Variants in MACROD2 observed in about 807,000 individuals in gnomAD.
MACROD2 encodes mono-ADP ribosylhydrolase 2, also known as ADP-ribose glycohydrolase MACROD2.
Under a neutral mutation model 70.4 loss-of-function variants are expected in MACROD2, and 36 were observed. The ratio of observed to expected loss-of-function variants is 0.51; its 90% confidence interval spans 0.39 to 0.68. MACROD2 has a LOEUF of 0.68. Among genes scored for constraint, MACROD2 ranks in the 30% least tolerant of loss-of-function variants. The pLI is 0.00. For missense variants in MACROD2, 496 were observed against 538.4 expected (o/e 0.92, Z 0.78); for synonymous variants, 172 against 178.8 (o/e 0.96, Z 0.30).
At chr20:15,556,045 G>A (rs1476511495) in intron 8 of MACROD2, among the ~76,000 whole-genome samples, 2 of 152,054 alleles carry the variant, frequency 1.3e-5, no homozygotes, top group African/African-American at 2.4e-5. Context: ...ATGCATTCCT[G>A]ACTTATTCAG....
At chr20:14,495,443 A>C (rs1254371649) in intron 4 of MACROD2, among the ~76,000 whole-genome samples, 1 of 152,120 alleles carries the variant, frequency 6.6e-6, no homozygotes, top group Non-Finnish European at 1.5e-5. Context: ...GGAATCCCAC[A>C]TTGTCTTTGA....
intron 4 of MACROD2, among the ~76,000 whole-genome samples, chr20:14,614,994 C>T (rs1355983313): frequency 1.3e-5 from 2 of 152,016 alleles, no homozygotes; most frequent in Non-Finnish European, 2.9e-5. Context: ...AACACCTCTG[C>T]GTGTGCTGGG....
chr20:14,124,472 A>T (rs1347428102), intron 3 of MACROD2, among the ~76,000 whole-genome samples: 1 of 152,172 alleles, frequency 6.6e-6, no homozygotes, highest in Non-Finnish European at 1.5e-5. Flanking sequence ...TTCCTAGTGG[A>T]TATTGTTTTA....
chr20:15,300,185 G>A (rs1248125816), intron 6 of MACROD2, among the ~76,000 whole-genome samples: 1 of 151,960 alleles, frequency 6.6e-6, no homozygotes, highest in African/African-American at 2.4e-5. Context: ...TTAAGACCTT[G>A]GCTTTGCTTT....
At chr20:16,013,261 T>C (rs577953967) in intron 15 of MACROD2, among the ~76,000 whole-genome samples, 1 of 152,260 alleles carries the variant, frequency 6.6e-6, no homozygotes, top group Admixed American at 6.5e-5. Context: ...TATATCACCA[T>C]TGGTTATTGC....
chr20:14,145,268 C>A (rs2054930058), intron 3 of MACROD2, among the ~76,000 whole-genome samples: 2 of 152,122 alleles, frequency 1.3e-5, no homozygotes, highest in South Asian at 4.1e-4. Flanking sequence ...CCTTTTTCTA[C>A]ATGTTCTAAA....
rs1307451662 is a variant in MACROD2 at position 15,869,248 on chromosome 20, G to T, written c.727+6422G>T. Among the ~76,000 whole-genome samples, 274 of 107,018 alleles carry T rather than the reference G, an allele frequency of 2.6e-3. 2 individuals carry two copies. Among genetic ancestry groups the T allele is most frequent in the Middle Eastern group, 5.1e-3 (1 of 196 alleles). 70.2% of individuals were successfully genotyped at this position (107,018 alleles called of 152,430 possible). A position where few individuals can be genotyped will look rare whatever the true frequency, so the allele number is the denominator to read the frequency against. ...ATATATATATATATATAGAGAGAGA[G>T]AGAGAGAGAGAGAGAGAGAGCAATG... On this transcript the variant is annotated intron_variant, in intron 9 of 17. Transcript: ENST00000684519.
intron 8 of MACROD2, among the ~76,000 whole-genome samples, chr20:15,532,075 A>G (rs1285371006): frequency 6.6e-6 from 1 of 152,116 alleles, no homozygotes; most frequent in African/African-American, 2.4e-5. Context: ...AGAACTTAGT[A>G]TATGTAGTAA....
At chr20:14,929,588 C>T (rs2074273379) in intron 5 of MACROD2, 1 of 152,012 alleles carries the variant, frequency 6.6e-6, no homozygotes, top group Non-Finnish European at 1.5e-5. Context: ...CATCATTGGC[C>T]ACTGGTGACT....
At chr20:15,809,861 C>CTT (rs56350068) in intron 8 of MACROD2, among the ~76,000 whole-genome samples, 8,014 of 141,926 alleles carry the variant, frequency 0.056, 529 homozygotes, top group East Asian at 0.3. Flanking sequence ...GCCACCCTAT[C>CTT]TTTTTTTTTT....
chr20:14,746,595 G>T (rs1458121976), intron 5 of MACROD2, among the ~76,000 whole-genome samples: 1 of 152,036 alleles, frequency 6.6e-6, no homozygotes, highest in Admixed American at 6.6e-5. Flanking sequence ...TCATTCTATT[G>T]CCTTCATGCT....
intron 7 of MACROD2, among the ~76,000 whole-genome samples, chr20:15,493,337 T>C (rs912746342): frequency 5.3e-5 from 8 of 152,200 alleles, no homozygotes; most frequent in Admixed American, 3.3e-4. Context: ...ATTATTATTA[T>C]ACCAACATTA....
At position 14,842,600 on chromosome 20, in the gene MACROD2, T is replaced by C. The variant is rs550304328; in HGVS notation, c.418+157641T>C. Among the ~76,000 whole-genome samples, 27 of 152,150 alleles carry C rather than the reference T, an allele frequency of 1.8e-4. 1 individual carries two copies. Among genetic ancestry groups the C allele is most frequent in the Non-Finnish European group, 3.4e-4 (23 of 68,002 alleles). ...GATATAATAGCTTTAAAGAGAACAC[T>C]GATGGATAGCTTTTTAGACTCAAAG... is the stretch of plus-strand genomic sequence containing the variant. On this transcript the variant is annotated intron_variant, in intron 5 of 17. Transcript: ENST00000684519.
At chr20:15,860,866 G>C (rs964769677) in intron 8 of MACROD2, among the ~76,000 whole-genome samples, 1 of 152,100 alleles carries the variant, frequency 6.6e-6, no homozygotes, top group Non-Finnish European at 1.5e-5. Flanking sequence ...CATGAATTGG[G>C]CAGCTCCAAA....
chr20:14,653,509 A>C (rs922583544), intron 4 of MACROD2, among the ~76,000 whole-genome samples: 7 of 146,904 alleles, frequency 4.8e-5, no homozygotes, highest in Admixed American at 3.4e-4. Flanking sequence ...TGAGCCACCA[A>C]GCCCGGCTGC....
intron 3 of MACROD2, among the ~76,000 whole-genome samples, chr20:14,288,111 GGTACACCCTACAAGGTAGGGTGTACCTT>G (rs1361559820): frequency 1.1e-4 from 16 of 151,560 alleles, no homozygotes; most frequent in South Asian, 2.1e-4. Context: ...CCTTAGATAA[GGTACACCCTACAAGGTAGGGTGTACCTT>G]GTACACCACC....
chr20:15,883,429 C>T (rs2064782954), intron 9 of MACROD2, among the ~76,000 whole-genome samples: 1 of 152,050 alleles, frequency 6.6e-6, no homozygotes, highest in Admixed American at 6.6e-5. Context: ...AAACTGCATT[C>T]ATAGAATGAA....
intron 5 of MACROD2, among the ~76,000 whole-genome samples, chr20:14,822,152 C>G (rs1384290079): frequency 6.6e-6 from 1 of 152,000 alleles, no homozygotes; most frequent in African/African-American, 2.4e-5. Context: ...AAACAAGACC[C>G]TTATTTCTGT....
chr20:14,693,763 G>A (rs569766225), intron 5 of MACROD2, among the ~76,000 whole-genome samples: 2 of 152,270 alleles, frequency 1.3e-5, no homozygotes, highest in African/African-American at 4.8e-5. Flanking sequence ...TGTTGTAATT[G>A]GTAAAGTCCT....
Sources: allele counts gnomAD v4.1 joint callset (sites outside exome capture counted in the v4.1 genomes callset), GRCh38; gene constraint gnomAD v4.1.1; transcripts MANE v1.5; gene names NCBI Gene and HGNC (gene_info 2026-07-23, HGNC 2026-07-21).